Variants in TTLL7 observed in about 807,000 individuals in gnomAD.
The protein encoded by TTLL7 is tubulin tyrosine ligase like 7.
TTLL7 carries 53 observed loss-of-function variants against 120.2 expected under a neutral mutation model. That is an observed-to-expected ratio of 0.44 (90% CI 0.35 to 0.55). TTLL7 has a LOEUF of 0.55. Ranked by LOEUF, TTLL7 falls within the 20% of genes least tolerant of loss-of-function variation. TTLL7 has a pLI of 0.00. For missense variants in TTLL7, 803 were observed against 1,054.7 expected (o/e 0.76, Z 3.31); for synonymous variants, 353 against 351.7 (o/e 1.00, Z -0.04).
At chr1:83,913,374 C>T (rs971274921) in intron 14 of TTLL7, among the ~76,000 whole-genome samples, 7 of 152,272 alleles carry the variant, frequency 4.6e-5, no homozygotes, top group African/African-American at 1.7e-4. Context: ...TTGCACCAAC[C>T]TAATACTTCA....
intron 1 of TTLL7, among the ~76,000 whole-genome samples, chr1:83,974,512 C>T (rs1480371676): frequency 6.6e-6 from 1 of 151,884 alleles, no homozygotes; most frequent in African/African-American, 2.4e-5. Flanking sequence ...TACCAGCAGA[C>T]TACTAAATGT....
intron 16 of TTLL7, among the ~76,000 whole-genome samples, 175 bp downstream of exon 16, chr1:83,907,281 T>TTTA (rs1657270858): frequency 6.7e-6 from 1 of 149,282 alleles, no homozygotes; most frequent in Admixed American, 6.8e-5. Context: ...AGTCTGCACT[T>TTTA]TTTAAGAGTC....
intron 20 of TTLL7, among the ~76,000 whole-genome samples, chr1:83,871,989 A>G (rs1653457372): frequency 2.0e-5 from 3 of 152,150 alleles, no homozygotes; most frequent in Admixed American, 2.0e-4. Context: ...CAAGGGCACA[A>G]TTAGCTGTCT....
chr1:83,932,203 AT>A (rs1167209009), intron 9 of TTLL7, among the ~76,000 whole-genome samples: 1 of 152,186 alleles, frequency 6.6e-6, no homozygotes, highest in East Asian at 1.9e-4. Flanking sequence ...CTATAAAGTC[AT>A]TATTTCCTAC....
intron 18 of TTLL7, among the ~76,000 whole-genome samples, chr1:83,892,742 G>GCACATATGTGAACATATATATGAA (rs1405304569): frequency 1.7e-5 from 2 of 120,616 alleles, no homozygotes; most frequent in Non-Finnish European, 3.8e-5. Flanking sequence ...ATATATATGA[G>GCACATATGTGAACATATATATGAA]CGCATATGTG....
intron 10 of TTLL7, among the ~76,000 whole-genome samples, chr1:83,925,055 A>C (rs901755681): frequency 3.9e-5 from 6 of 152,192 alleles, no homozygotes; most frequent in African/African-American, 1.4e-4. Flanking sequence ...ATCTCTTCTG[A>C]TACTGGCATC....
chr1:83,904,750 T>C (rs1657039278), intron 17 of TTLL7, among the ~76,000 whole-genome samples: 1 of 152,138 alleles, frequency 6.6e-6, no homozygotes, highest in South Asian at 2.1e-4. Flanking sequence ...GATTTATCAT[T>C]CATAGTAATA....
chr1:83,978,677 A>C (rs1002889016), intron 1 of TTLL7, among the ~76,000 whole-genome samples: 13 of 152,198 alleles, frequency 8.5e-5, no homozygotes, highest in African/African-American at 3.1e-4. Flanking sequence ...TTATATCAGA[A>C]GGCTTTCAAA....
intron 1 of TTLL7, among the ~76,000 whole-genome samples, chr1:83,967,946 T>A (rs1354212795): frequency 6.6e-6 from 1 of 152,006 alleles, no homozygotes; most frequent in Non-Finnish European, 1.5e-5. Context: ...AGGAAGACAC[T>A]TTTATTCAAG....
At chr1:83,987,101 T>TA (rs937500216) in intron 1 of TTLL7, among the ~76,000 whole-genome samples, 3 of 152,008 alleles carry the variant, frequency 2.0e-5, no homozygotes, top group African/African-American at 7.2e-5. Context: ...AATGAAAATT[T>TA]AAAACATAGG....
intron 7 of TTLL7, among the ~76,000 whole-genome samples, chr1:83,941,589 G>T (rs912295891): frequency 6.6e-6 from 1 of 152,036 alleles, no homozygotes; most frequent in Non-Finnish European, 1.5e-5. Flanking sequence ...GGAGTTAATT[G>T]TGTGCATAAT....
chr1:83,956,284 A>T, intron 1 of TTLL7, among the ~76,000 whole-genome samples: 1 of 148,038 alleles, frequency 6.8e-6, no homozygotes, highest in East Asian at 1.9e-4. Flanking sequence ...TTATTTATTT[A>T]TGTATTTATT....
intron 9 of TTLL7, among the ~76,000 whole-genome samples, chr1:83,932,199 A>T (rs1659653941): frequency 6.6e-6 from 1 of 152,176 alleles, no homozygotes; most frequent in African/African-American, 2.4e-5. Context: ...ATATCTATAA[A>T]GTCATTATTT....
chr1:83,932,513 T>C (rs1659678928), intron 9 of TTLL7, among the ~76,000 whole-genome samples: 1 of 151,972 alleles, frequency 6.6e-6, no homozygotes, highest in Non-Finnish European at 1.5e-5. Context: ...CTGCATTTCC[T>C]TGGAGACACA....
chr1:83,899,756 C>CA (rs112388570), intron 18 of TTLL7, among the ~76,000 whole-genome samples: 6,305 of 149,858 alleles, frequency 0.042, 156 homozygotes, highest in Middle Eastern at 0.099. Context: ...CAAAGGAGCT[C>CA]AAAAAAAAAG....
chr1:83,973,402 C>T (rs1309215999), intron 1 of TTLL7, among the ~76,000 whole-genome samples: 1 of 152,056 alleles, frequency 6.6e-6, no homozygotes, highest in Non-Finnish European at 1.5e-5. Context: ...TATTTCCAAG[C>T]TCTCTATTTT....
chr1:83,892,274 A>C (rs1655574086), intron 18 of TTLL7, among the ~76,000 whole-genome samples: 1 of 78,910 alleles, frequency 1.3e-5, no homozygotes, highest in Admixed American at 1.5e-4. Flanking sequence ...ATACGAATAT[A>C]TATGAATATA....
At position 83,934,436 on chromosome 1, in the gene TTLL7, G is replaced by A. The variant is rs563904007; in HGVS notation, c.889-670C>T. On this transcript the variant is annotated intron_variant, in intron 8 of 20. Transcript: ENST00000260505. ...GAGAAACTCCACTTAGATAAAGGCT[G>A]AAAGGGCTGGAAGACAAAATCTTGA... Among the ~76,000 whole-genome samples, 31 of 152,260 alleles carry A rather than the reference G, an allele frequency of 2.0e-4. No individual in the cohort carries two copies. In the Middle Eastern group the frequency reaches 0.014, roughly 67 times the overall value.
intron 1 of TTLL7, among the ~76,000 whole-genome samples, chr1:83,996,870 T>C (rs1571430814): frequency 1.3e-5 from 2 of 151,404 alleles, no homozygotes; most frequent in East Asian, 3.9e-4. Flanking sequence ...CACTTTCCTT[T>C]TTTTTTTTTT....
Sources: gnomAD v4.1 joint callset for allele counts (sites outside exome capture counted in the v4.1 genomes callset) on GRCh38, gnomAD v4.1.1 for gene constraint, MANE v1.5 for transcripts, NCBI Gene and HGNC (gene_info 2026-07-23, HGNC 2026-07-21) for gene names.